The following ANKRD13A variants were observed in gnomAD, a reference collection of about 807,000 sequenced individuals.
ANKRD13A encodes the protein ankyrin repeat domain-containing protein 13A.
A neutral mutation model predicts 81.3 loss-of-function variants in ANKRD13A; 48 were observed. The observed-to-expected ratio is 0.59, with a 90% CI of 0.47 to 0.75. The LOEUF is 0.75. Ranked by LOEUF, ANKRD13A falls within the 30% of genes least tolerant of loss-of-function variation. The probability of loss-of-function intolerance (pLI) is 0.00; values close to 1 mark genes in which losing one functional copy is unlikely to be tolerated. For synonymous variants in ANKRD13A, 230 were observed against 270.1 expected (o/e 0.85, Z 1.45); for missense variants, 612 against 734.0 (o/e 0.83, Z 1.92).
Position 110,025,888 on chromosome 12 carries a change from T to C in ANKRD13A, c.883+65T>C. ...TTTTTTAAGCCTAGAGGGAACTCTT[T>C]GTTGGCTCTGTTAAGTTTAGGGTTA... is the stretch of plus-strand genomic sequence containing the variant. On this transcript the variant is annotated intron_variant, in intron 8 of 14. Transcript: ENST00000261739. 8 of 1,385,460 alleles carry C rather than the reference T, an allele frequency of 5.8e-6. No individual in the cohort carries two copies. In the Admixed American group the frequency reaches 1.1e-4, roughly 18 times the overall value. The allele number at this position is 1,385,460 out of a possible 1,614,324, so 85.8% of individuals were successfully genotyped here. A position where few individuals can be genotyped will look rare whatever the true frequency, so the allele number is the denominator to read the frequency against.
intron 1 of ANKRD13A, among the ~76,000 whole-genome samples, chr12:110,007,430 G>A (rs578048706): frequency 9.9e-5 from 15 of 152,174 alleles, no homozygotes; most frequent in African/African-American, 3.6e-4. Context: ...GCCCAGGCTG[G>A]AGTTCAATGG....
At chr12:110,029,762 G>C (rs943237793) in intron 11 of ANKRD13A, 127 bp downstream of exon 11, 1 of 1,017,724 alleles carries the variant, frequency 9.8e-7, no homozygotes, top group African/African-American at 1.6e-5. Context: ...AGACATAACA[G>C]AGGAGGTCAG....
intron 7 of ANKRD13A, among the ~76,000 whole-genome samples, chr12:110,025,208 T>C (rs1891257647): frequency 6.6e-6 from 1 of 151,964 alleles, no homozygotes; most frequent in African/African-American, 2.4e-5. Context: ...ATACGAAAAT[T>C]AACCAGTCAT....
intron 1 of ANKRD13A, among the ~76,000 whole-genome samples, chr12:110,004,060 A>T (rs1890118447): frequency 6.6e-6 from 1 of 152,084 alleles, no homozygotes. Flanking sequence ...TGGGAGGCTG[A>T]GGTGGGAGAA....
intron 1 of ANKRD13A, among the ~76,000 whole-genome samples, chr12:110,005,029 C>A (rs760058536): frequency 6.6e-6 from 1 of 151,938 alleles, no homozygotes; most frequent in African/African-American, 2.4e-5. Context: ...ATTTTTATTG[C>A]GATATAGTTC....
intron 7 of ANKRD13A, among the ~76,000 whole-genome samples, chr12:110,024,639 C>G (rs1253291811): frequency 6.6e-6 from 1 of 152,186 alleles, no homozygotes; most frequent in Non-Finnish European, 1.5e-5. Flanking sequence ...CTTTCAGTCC[C>G]TCAGTACAAC....
chr12:110,029,953 T>G (rs1891577592), intron 11 of ANKRD13A, among the ~76,000 whole-genome samples: 1 of 152,188 alleles, frequency 6.6e-6, no homozygotes. Flanking sequence ...AGACTTCAAA[T>G]TAGATAATTA....
At chr12:110,035,980 C>T (rs1414096276) in intron 13 of ANKRD13A, among the ~76,000 whole-genome samples, 1 of 152,114 alleles carries the variant, frequency 6.6e-6, no homozygotes, top group African/African-American at 2.4e-5. Context: ...TTTTGCTTTT[C>T]GTTGTGTATA....
chr12:110,001,775 CTTAA>C (rs1889992553), intron 1 of ANKRD13A, among the ~76,000 whole-genome samples: 1 of 151,510 alleles, frequency 6.6e-6, no homozygotes, highest in African/African-American at 2.4e-5. Context: ...AGTCATCGTT[CTTAA>C]TTAGATGACA....
chr12:110,019,117 A>G (rs747749163), intron 5 of ANKRD13A, 22 bp from the exon 6 acceptor site: 55 of 1,555,520 alleles, frequency 3.5e-5, no homozygotes, highest in Non-Finnish European at 4.6e-5. Context: ...GCACTTAGTT[A>G]TGCCTTTGTT....
intron 8 of ANKRD13A, 97 bp downstream of exon 8, chr12:110,025,920 T>C (rs1300184629): frequency 1.1e-5 from 11 of 1,040,250 alleles, no homozygotes; most frequent in Non-Finnish European, 1.6e-5. Flanking sequence ...GTTAATGTGA[T>C]TGGGTTGTGT....
At position 110,018,384 on chromosome 12, in the gene ANKRD13A, G is replaced by A. The variant is rs1449473254; in HGVS notation, c.440G>A (p.Arg147His). The change falls in exon 5 of 15, where the codon CGC (arginine) becomes CAC (histidine). Residue 147 changes from arginine to histidine, a missense_variant. Physicochemically the swap from Arg to His is conservative, Grantham distance 29. Transcript: ENST00000261739. The surrounding 1 kb of genome is among the most constrained non-coding windows in gnomAD (Gnocchi z 4.4). The stretch of plus-strand genomic sequence containing the variant: ...AGAATATGCCCAAATGATGTCTGTC[G>A]CATCTGGAAAAGTGGTGCCAAACTG... ...VSRICPNDVCRIWKSGAKLRV... is the reference protein window; with the variant it reads ...VSRICPNDVCHIWKSGAKLRV... The A allele has an allele frequency of 6.2e-6, 10 of 1,613,852 alleles. No individual in the cohort carries two copies. Among genetic ancestry groups the A allele is most frequent in the African/African-American group, 1.3e-5 (1 of 74,852 alleles).
At chr12:110,025,923 G>T in intron 8 of ANKRD13A, 100 bp downstream of exon 8, 2 of 1,026,358 alleles carry the variant, frequency 1.9e-6, no homozygotes, top group Middle Eastern at 2.1e-4. Context: ...AATGTGATTG[G>T]GTTGTGTTAA....
chr12:110,028,928 G>A lies in ANKRD13A; in HGVS notation c.1076+286G>A, dbSNP rs569677371. ...AATTTTTGTATTTTTAGTAGAGATA[G>A]GGTTTCACCATATTGGTCAGGCTGG... On this transcript the variant is annotated intron_variant, in intron 10 of 14. Transcript: ENST00000261739. 7 of 288,736 alleles carry A rather than the reference G, an allele frequency of 2.4e-5. No individual in the cohort carries two copies. The Admixed American group carries it at 3.3e-4, about 14-fold the overall frequency. The allele number at this position is 288,736 out of a possible 1,614,324, so 17.9% of individuals were successfully genotyped here.
intron 9 of ANKRD13A, chr12:110,028,101 A>T (rs547116848): frequency 2.9e-6 from 1 of 347,720 alleles, no homozygotes; most frequent in South Asian, 3.7e-5. Flanking sequence ...TTCTTACTTG[A>T]TGCTCACAGT....
In ANKRD13A at chr12:110,016,393, G is replaced by C; in HGVS notation, c.360G>C (p.Pro120=). ...PELLQKILEA[P]DFYVQMKWEF... is the part of the protein sequence containing the mutation. ...AACCTTTGTCTGCCCTTCAGGCTCC[G>C]GATTTCTATGTGCAGATGAAATGGG... Residue 120 remains proline, a synonymous_variant, in exon 4 of 15, where the codon CCG becomes CCC. Coordinates refer to ENST00000261739, the MANE Select transcript of ANKRD13A (RefSeq NM_033121.2). 6.3e-7 allele frequency: 1 copy of C among 1,585,460 alleles called. No homozygotes were observed. Among genetic ancestry groups the C allele is most frequent in the Non-Finnish European group, 8.6e-7 (1 of 1,160,528 alleles).
At chr12:110,022,747 G>A (rs1891142737) in intron 6 of ANKRD13A, among the ~76,000 whole-genome samples, 1 of 152,198 alleles carries the variant, frequency 6.6e-6, no homozygotes, top group South Asian at 2.1e-4. Context: ...GATAAAAGGG[G>A]ATTGTAGCTT....
chr12:110,019,277 C>G lies in ANKRD13A; in HGVS notation c.683C>G (p.Thr228Arg). Residue 228 changes from threonine (T) to arginine (R), a missense_variant, in exon 6 of 15, where the codon ACA becomes AGA. By Grantham distance (71) the Thr-to-Arg change is moderately conservative. Transcript: ENST00000261739. ...AGCAGGGAAGTTGAGCGGCGGCTCA[C>G]AAGCCCTGTCATTAACACCAGCCTC... is the stretch of plus-strand genomic sequence containing the variant. ...PKSREVERRL[T>R]SPVINTSLDT... 6.2e-7 allele frequency: 1 copy of G among 1,613,952 alleles called. No individual in the cohort carries two copies. Among genetic ancestry groups the G allele is most frequent in the Non-Finnish European group, 8.5e-7 (1 of 1,179,866 alleles).
At chr12:110,008,496 G>C (rs58064813) in intron 1 of ANKRD13A, among the ~76,000 whole-genome samples, 27,587 of 152,068 alleles carry the variant, frequency 0.18, 4,862 homozygotes, top group African/African-American at 0.47. Flanking sequence ...GATAATAGTG[G>C]GTTCATAAAA....
Sources: allele counts gnomAD v4.1 joint callset (sites outside exome capture counted in the v4.1 genomes callset), GRCh38; gene constraint gnomAD v4.1.1; non-coding constraint Gnocchi (gnomAD v3.1); transcripts MANE v1.5; gene names NCBI Gene and HGNC (gene_info 2026-07-23, HGNC 2026-07-21).